Variants in CA10 observed in about 807,000 individuals in gnomAD.
CA10 encodes the protein carbonic anhydrase-related protein 10.
Under a neutral mutation model 44.2 loss-of-function variants are expected in CA10, and 14 were observed. The ratio of observed to expected loss-of-function variants is 0.32; its 90% CI spans 0.21 to 0.50. The LOEUF (loss-of-function observed/expected upper bound fraction) is 0.50. CA10 is among the 20% of genes least tolerant of loss of function. CA10 has a pLI of 0.99. For missense variants in CA10, 350 were observed against 409.7 expected, an observed-to-expected ratio of 0.85 and a Z score of 1.26; for synonymous variants, 159 against 141.6, an observed-to-expected ratio of 1.12 and a Z score of -0.87.
At chr17:52,068,583 C>G (rs898066003) in intron 2 of CA10, among the ~76,000 whole-genome samples, 1 of 152,188 alleles carries the variant, frequency 6.6e-6, no homozygotes, top group Non-Finnish European at 1.5e-5. Flanking sequence ...TAGTGAGATG[C>G]CTGGCCCTGG....
chr17:51,760,614 G>C (rs866101654), intron 3 of CA10, among the ~76,000 whole-genome samples: 1 of 152,140 alleles, frequency 6.6e-6, no homozygotes, highest in African/African-American at 2.4e-5. Context: ...TTCATTTTGT[G>C]CTCTTTCATA....
At chr17:52,048,724 T>C (rs536155193) in intron 2 of CA10, among the ~76,000 whole-genome samples, 13 of 152,068 alleles carry the variant, frequency 8.5e-5, no homozygotes, top group Admixed American at 5.9e-4. Flanking sequence ...GCTGAGGACA[T>C]ACCCAGGGAA....
chr17:51,646,369 G>C (rs1226197188), intron 6 of CA10, among the ~76,000 whole-genome samples: 4 of 152,164 alleles, frequency 2.6e-5, no homozygotes, highest in Non-Finnish European at 5.9e-5. Context: ...ACGTTGCAGA[G>C]TGGATACTGC....
At chr17:52,039,303 A>T (rs1275443033) in intron 2 of CA10, among the ~76,000 whole-genome samples, 2 of 152,130 alleles carry the variant, frequency 1.3e-5, no homozygotes, top group East Asian at 3.9e-4. Flanking sequence ...GTTGACAGGG[A>T]TTAAAAAAAT....
intron 1 of CA10, among the ~76,000 whole-genome samples, chr17:52,102,374 TAAAC>T (rs1174770458): frequency 1.3e-5 from 2 of 152,134 alleles, no homozygotes; most frequent in African/African-American, 2.4e-5. Context: ...GTTGTTAAAA[TAAAC>T]TAAAATGGAG....
intron 4 of CA10, among the ~76,000 whole-genome samples, chr17:51,709,605 C>G (rs1915867423): frequency 6.6e-6 from 1 of 152,226 alleles, no homozygotes; most frequent in Non-Finnish European, 1.5e-5. Context: ...TTCTAATGTG[C>G]AGCCAGGGTT....
chr17:51,758,828 A>G (rs1905142464), intron 3 of CA10, among the ~76,000 whole-genome samples: 1 of 152,144 alleles, frequency 6.6e-6, no homozygotes, highest in South Asian at 2.1e-4. Flanking sequence ...TCCTGACACA[A>G]AACCTTCGAG....
chr17:52,049,375 C>T (rs554737128), intron 2 of CA10, among the ~76,000 whole-genome samples: 1 of 152,060 alleles, frequency 6.6e-6, no homozygotes, highest in African/African-American at 2.4e-5. Flanking sequence ...ATATGGCCAA[C>T]AATCATAATA....
Position 51,809,684 on chromosome 17 carries a change from G to T in CA10, c.280-61866C>A, listed in dbSNP as rs529819777. ...CCTGAACAATGGAGGACCTCACTGG[G>T]CTTTATAGTGGGTAAGATTTAGATA... On this transcript the variant is annotated intron_variant, in intron 3 of 8. Transcript: ENST00000451037. Among the ~76,000 whole-genome samples the T allele has an allele frequency of 1.6e-4, 24 of 152,282 alleles. No individual in the cohort carries two copies. The South Asian group carries it at 5.0e-3, about 32-fold the overall frequency.
At chr17:52,007,445 T>C (rs1985638523) in intron 2 of CA10, among the ~76,000 whole-genome samples, 1 of 151,616 alleles carries the variant, frequency 6.6e-6, no homozygotes, top group Admixed American at 6.6e-5. Context: ...TTATGAATAA[T>C]GCTAAAATTT....
At chr17:51,752,030 G>T (rs1451472002) in intron 3 of CA10, among the ~76,000 whole-genome samples, 3 of 152,142 alleles carry the variant, frequency 2.0e-5, no homozygotes, top group East Asian at 3.9e-4. Flanking sequence ...ACAAAGTTAT[G>T]GGCAATCCAT....
chr17:52,064,524 G>A (rs546745479), intron 2 of CA10, among the ~76,000 whole-genome samples: 17 of 151,574 alleles, frequency 1.1e-4, no homozygotes, highest in East Asian at 9.8e-4. Flanking sequence ...GGAGTACTGT[G>A]AAGAAAGAAG....
chr17:51,796,844 C>A (rs1391105729), intron 3 of CA10, among the ~76,000 whole-genome samples: 1 of 152,160 alleles, frequency 6.6e-6, no homozygotes, highest in African/African-American at 2.4e-5. Context: ...CTGGAGAGGT[C>A]ACAGCAAAGC....
intron 1 of CA10, among the ~76,000 whole-genome samples, chr17:52,081,247 T>TA (rs1648448144): frequency 6.6e-6 from 1 of 152,070 alleles, no homozygotes; most frequent in Non-Finnish European, 1.5e-5. Context: ...TTATGACACT[T>TA]AATCAGAGAT....
rs183296092 is a variant in CA10 at position 51,988,735 on chromosome 17, G to C, written c.137-57603C>G. Reference sequence around the variant, plus strand: ...ACACATATTATAGGGAAATCTGTTGGTAAAAATGTCCTAGGGCACACTGTT... The same window carrying C: ...ACACATATTATAGGGAAATCTGTTGCTAAAAATGTCCTAGGGCACACTGTT... On this transcript the variant is annotated intron_variant, in intron 2 of 8. Transcript: ENST00000451037. 1.9e-3 allele frequency among the ~76,000 whole-genome samples: 282 copies of C among 151,878 alleles called. 2 individuals are homozygous for C. Among genetic ancestry groups the C allele is most frequent in the Non-Finnish European group, 3.0e-3 (205 of 67,892 alleles).
chr17:51,849,160 T>C (rs1978634868), intron 3 of CA10, among the ~76,000 whole-genome samples: 1 of 119,128 alleles, frequency 8.4e-6, no homozygotes, highest in Admixed American at 9.1e-5. Flanking sequence ...TATATACATA[T>C]ATGTATATAT....
chr17:51,741,153 A>T (rs1904447214), intron 4 of CA10, among the ~76,000 whole-genome samples: 1 of 152,222 alleles, frequency 6.6e-6, no homozygotes, highest in South Asian at 2.1e-4. Context: ...AAGTGTTGGC[A>T]GTGAGATTCT....
rs568122020 is a variant in CA10 at position 51,988,193 on chromosome 17, G to A, written c.137-57061C>T. Among the ~76,000 whole-genome samples the A allele has an allele frequency of 4.6e-5, 7 of 152,038 alleles. No homozygotes were observed. In the South Asian group the frequency reaches 1.0e-3, roughly 23 times the overall value. ...GTAAATGTATTTTGCAAACCCCAGG[G>A]CAACCACTAAGTTAAAAAAGAAAAA... On this transcript the variant is annotated intron_variant, in intron 2 of 8. Transcript: ENST00000451037.
At chr17:51,769,188 A>T (rs2143652745) in intron 3 of CA10, among the ~76,000 whole-genome samples, 1 of 152,220 alleles carries the variant, frequency 6.6e-6, no homozygotes, top group African/African-American at 2.4e-5. Flanking sequence ...TTCCCTTGAG[A>T]TTACACCCCA....
Sources: gnomAD v4.1 joint callset for allele counts (sites outside exome capture counted in the v4.1 genomes callset) on GRCh38, gnomAD v4.1.1 for gene constraint, MANE v1.5 for transcripts, NCBI Gene and HGNC (gene_info 2026-07-23, HGNC 2026-07-21) for gene names.